NSD3: variants seen among roughly 807,000 people sequenced by gnomAD.
NSD3 encodes the protein histone-lysine N-methyltransferase NSD3.
A neutral mutation model predicts 160.8 loss-of-function variants in NSD3; 24 were observed. The observed-to-expected ratio is 0.15, with a 90% CI of 0.11 to 0.21. The LOEUF is 0.21. Ranked by LOEUF, NSD3 falls within the 10% of genes least tolerant of loss-of-function variation. NSD3 has a pLI of 1.00. For missense variants in NSD3, 1,157 were observed against 1,735.9 expected (o/e 0.67, Z 5.93); for synonymous variants, 520 against 600.0 (o/e 0.87, Z 1.95).
chr8:38,287,599 TG>T (rs1808894667), intron 19 of NSD3, among the ~76,000 whole-genome samples: 1 of 152,176 alleles, frequency 6.6e-6, no homozygotes, highest in Admixed American at 6.5e-5. Context: ...TTGTATTGAT[TG>T]TATTCTATGA....
rs549409674 is a variant in NSD3, at chr8:38,365,793, T to C, written c.-45+16006A>G. On this transcript the variant is annotated intron_variant, in intron 1 of 23. Coordinates refer to ENST00000317025, the MANE Select transcript of NSD3 (RefSeq NM_023034.2). ...TGAAACCAAAACCAGGAATCAGTCA[T>C]ATAGAGAGGCTGGAAAAAGACAAGG... Among the ~76,000 whole-genome samples, 10 of 152,172 alleles carry C rather than the reference T, an allele frequency of 6.6e-5. No homozygotes were observed. The East Asian group carries it at 1.7e-3, about 26-fold the overall frequency.
Position 38,329,270 on chromosome 8 carries a change from G to T in NSD3, c.1581+108C>A. On this transcript the variant is annotated intron_variant, in intron 6 of 23. Transcript: ENST00000317025. The surrounding 1 kb of genome is among the most constrained non-coding windows in gnomAD (Gnocchi z 4.8). ...ACAATGACTGTATGTTTCAAATTCA[G>T]TGGGTAGAAAGGGTATTTAAATTAT... is the stretch of plus-strand genomic sequence containing the variant. 7.6e-7 allele frequency: 1 copy of T among 1,309,174 alleles called. No homozygotes were observed. The highest frequency in any genetic ancestry group is 1.0e-6 in the Non-Finnish European group (1 of 961,940). The allele number at this position is 1,309,174 out of a possible 1,614,324, so 81.1% of individuals were successfully genotyped here.
At position 38,319,563 on chromosome 8, in the gene NSD3, C is replaced by T. The variant is rs780705546; in HGVS notation, c.1810-623G>A. Among the ~76,000 whole-genome samples, 4 of 152,178 alleles carry T rather than the reference C, an allele frequency of 2.6e-5. No homozygotes were observed. Among genetic ancestry groups the T allele is most frequent in the South Asian group, 2.1e-4 (1 of 4,824 alleles). ...GTGTCTTGATCCTACATTAGGAGAG[C>T]GAGATCAGAAGTTATTCTGCCAATG... On this transcript the variant is annotated intron_variant, in intron 8 of 23. Transcript: ENST00000317025. The surrounding 1 kb of genome is among the most constrained non-coding windows in gnomAD (Gnocchi z 4.1).
intron 12 of NSD3, among the ~76,000 whole-genome samples, chr8:38,311,772 A>G (rs1029381371): frequency 6.6e-6 from 1 of 152,146 alleles, no homozygotes; most frequent in African/African-American, 2.4e-5. Context: ...TTTGGTGTAC[A>G]AAAGTTTTTA....
Position 38,331,481 on chromosome 8 carries a change from A to T in NSD3, c.1015T>A (p.Leu339Ile). 6.2e-7 allele frequency: 1 copy of T among 1,610,750 alleles called. No individual in the cohort carries two copies. Among genetic ancestry groups the T allele is most frequent in the South Asian group, 1.1e-5 (1 of 90,150 alleles). ...EYKGHKQYEE[L>I]LAEATKQASN... ...GCTTGTTTGGTTGCCTCAGCCAGTA[A>T]TTCTTCATACTGTTTATGACCTTTA... Residue 339 changes from leucine (L) to isoleucine (I), a missense_variant, in exon 5 of 24, where the codon TTA becomes ATA. Around this residue, in one of 10 missense-constraint regions of NSD3, gnomAD observed 168 missense variants for 208.1 expected, o/e 0.81. Transcript: ENST00000317025.
intron 1 of NSD3, among the ~76,000 whole-genome samples, chr8:38,360,060 A>G (rs1810922924): frequency 6.6e-6 from 1 of 151,446 alleles, no homozygotes; most frequent in Admixed American, 6.6e-5. Flanking sequence ...CAGTGGTGCA[A>G]TCACAGCTCA....
chr8:38,378,705 C>T (rs570540832), intron 1 of NSD3, among the ~76,000 whole-genome samples: 2 of 151,820 alleles, frequency 1.3e-5, no homozygotes, highest in Non-Finnish European at 2.9e-5. Flanking sequence ...TGCCTGTAAT[C>T]CCAGCTACTC....
intron 2 of NSD3, among the ~76,000 whole-genome samples, chr8:38,338,991 ATAGCCGGGCATGGTGGCGCATGCCTG>A (rs1390460634): frequency 8.5e-5 from 13 of 152,096 alleles, no homozygotes; most frequent in African/African-American, 3.1e-4. Flanking sequence ...AATTAAAAAA[ATAGCCGGGCATGGTGGCGCATGCCTG>A]TAGTCCCAGC....
Position 38,318,884 on chromosome 8 carries a change from T to C in NSD3, c.1855+11A>G, listed in dbSNP as rs1476682248. The C allele has an allele frequency of 2.5e-6, 4 of 1,608,344 alleles. No homozygotes were observed. The Admixed American group carries it at 6.9e-5, about 28-fold the overall frequency. On this transcript the variant is annotated intron_variant, in intron 9 of 23. Transcript: ENST00000317025. The surrounding 1 kb of genome is among the most constrained non-coding windows in gnomAD (Gnocchi z 5.3). ...AAGGAAATGCAAAGCAACATTATAA[T>C]ATTAACTCACCTTTCTGTAATCCAG...
chr8:38,303,131 G>T, intron 14 of NSD3: 1 of 642,610 alleles, frequency 1.6e-6, no homozygotes, highest in Non-Finnish European at 1.9e-6. Context: ...CCCAGCAATG[G>T]TAGCATAGAG....
rs199648336 is a variant in NSD3 at position 38,318,740 on chromosome 8, T to TCACA, written c.1855+151_1855+154dup. Among the ~76,000 whole-genome samples, 1 of 151,720 alleles carries TCACA rather than the reference T, an allele frequency of 6.6e-6. No homozygotes were observed. The highest frequency in any genetic ancestry group is 1.5e-5 in the Non-Finnish European group (1 of 67,924). ...TACAGAATAAGATCAACTCTAAAAGTCACACACACACACGAACACTGGGGA... is the reference window on the plus strand; with the variant it reads ...TACAGAATAAGATCAACTCTAAAAGTCACACACACACACACACGAACACTGGGGA... On this transcript the variant is annotated intron_variant, in intron 9 of 23. Coordinates refer to ENST00000317025, the MANE Select transcript of NSD3 (RefSeq NM_023034.2). The surrounding 1 kb of genome is among the most constrained non-coding windows in gnomAD (Gnocchi z 5.3).
chr8:38,339,553 C>T (rs753113566), intron 2 of NSD3, among the ~76,000 whole-genome samples: 14 of 151,932 alleles, frequency 9.2e-5, no homozygotes, highest in Non-Finnish European at 1.6e-4. Flanking sequence ...GGTGAAACCC[C>T]GTCTCTACTA....
intron 1 of NSD3, among the ~76,000 whole-genome samples, chr8:38,361,528 G>A (rs1461022747): frequency 1.3e-5 from 2 of 150,780 alleles, no homozygotes; most frequent in African/African-American, 4.8e-5. Flanking sequence ...GGCCGAGGCG[G>A]GCGGATCACG....
intron 18 of NSD3, 124 bp downstream of exon 18, chr8:38,289,269 G>C: frequency 1.1e-6 from 1 of 877,168 alleles, no homozygotes; most frequent in African/African-American, 1.7e-5. Context: ...AAGTCAAAGA[G>C]GGTCTTTAAC....
intron 12 of NSD3, among the ~76,000 whole-genome samples, chr8:38,307,024 A>C (rs1298185490): frequency 2.0e-5 from 3 of 151,484 alleles, no homozygotes; most frequent in African/African-American, 7.3e-5. Flanking sequence ...CAGAGGCAGG[A>C]GAATGGCGTC....
rs768592501 is a variant in NSD3, at chr8:38,315,400, C to T, written c.2115+16G>A. Reference sequence around the variant, plus strand: ...ATAGCAATTATTTCAAGCCATAGCACCAGTTACCTGCCTACCTGACATACA... The same window carrying T: ...ATAGCAATTATTTCAAGCCATAGCATCAGTTACCTGCCTACCTGACATACA... On this transcript the variant is annotated intron_variant, in intron 11 of 23. Transcript: ENST00000317025. 1 of 1,547,342 alleles carries T rather than the reference C, an allele frequency of 6.5e-7. No individual in the cohort carries two copies. The highest frequency in any genetic ancestry group is 8.7e-7 in the Non-Finnish European group (1 of 1,154,638).
At chr8:38,320,960 T>C in intron 8 of NSD3, 112 bp downstream of exon 8, 1 of 982,388 alleles carries the variant, frequency 1.0e-6, no homozygotes, top group South Asian at 1.4e-5. Context: ...GTTAAGATAG[T>C]CCAGAAAGGA....
At chr8:38,347,394 T>C (rs566171565) in intron 2 of NSD3, 103 bp downstream of exon 2, 1 of 1,249,058 alleles carries the variant, frequency 8.0e-7, no homozygotes, top group African/African-American at 1.5e-5. Flanking sequence ...AAAGAAGTTA[T>C]CAGACAGATT....
chr8:38,338,264 C>T (rs1276286891), intron 3 of NSD3, among the ~76,000 whole-genome samples: 1 of 149,242 alleles, frequency 6.7e-6, no homozygotes, highest in South Asian at 2.1e-4. Context: ...TGCGCCACTG[C>T]ACTCCAGCCT....
Sources: allele counts gnomAD v4.1 joint callset (sites outside exome capture counted in the v4.1 genomes callset), GRCh38; gene constraint gnomAD v4.1.1; regional missense constraint gnomAD v4.1.1; non-coding constraint Gnocchi (gnomAD v3.1); transcripts MANE v1.5; gene names NCBI Gene and HGNC (gene_info 2026-07-23, HGNC 2026-07-21).